Variants in DCAF15 observed in about 807,000 individuals in gnomAD.
DCAF15 encodes DDB1- and CUL4-associated factor 15.
DCAF15 carries 24 observed loss-of-function variants against 68.0 expected under a neutral mutation model. The ratio of observed to expected loss-of-function variants is 0.35; its 90% CI spans 0.26 to 0.50. DCAF15 has a LOEUF of 0.50. DCAF15 is among the 20% of genes least tolerant of loss of function. The pLI is 0.98. For missense variants in DCAF15, 627 were observed against 830.6 expected (o/e 0.75, Z 3.01); for synonymous variants, 376 against 341.6 (o/e 1.10, Z -1.11).
rs1262022605 is a variant in DCAF15 at position 13,959,442 on chromosome 19, T to C, written c.1182T>C (p.Tyr394=). The C allele has an allele frequency of 1.9e-6, 3 of 1,609,932 alleles. No homozygotes were observed. The South Asian group carries it at 3.3e-5, about 18-fold the overall frequency. The part of the protein sequence containing the change: ...PGYVNYTKLY[Y]VLESGEGTEP... ...ATGTCAACTACACCAAGCTGTACTA[T>C]GTGCTGGAGTCCGGAGAGGGGACGG... The change falls in exon 7 of 13, where the codon TAT becomes TAC. Residue 394 remains tyrosine (Y), a synonymous_variant. Coordinates refer to ENST00000254337, the MANE Select transcript of DCAF15 (RefSeq NM_138353.4).
In DCAF15 at chr19:13,961,229, C is replaced by T; in HGVS notation, c.*234C>T. ...AGAGAGAGGGCGCCCCCTGCCCCAC[C>T]AGCCTGAGTGCCCCGCCTTCACCCC... On this transcript the variant is annotated 3_prime_UTR_variant, in exon 13 of 13. Coordinates refer to ENST00000254337, the MANE Select transcript of DCAF15 (RefSeq NM_138353.4). The T allele has an allele frequency of 1.7e-6, 1 of 587,074 alleles. No homozygotes were observed. Among genetic ancestry groups the T allele is most frequent in the Non-Finnish European group, 3.0e-6 (1 of 329,092 alleles). The allele number at this position is 587,074 out of a possible 1,614,324, so 36.4% of individuals were successfully genotyped here.
chr19:13,955,716 C>T lies in DCAF15; in HGVS notation c.367-196C>T, dbSNP rs989691046. Among the ~76,000 whole-genome samples the T allele has an allele frequency of 3.9e-5, 6 of 152,174 alleles. 2 individuals are homozygous for T. Among genetic ancestry groups the T allele is most frequent in the Admixed American group, 3.3e-4 (5 of 15,280 alleles). ...GGACATTGTTCCCATCGGCTGCATC[C>T]CACCCTGGCCTGGTCTCCCCGACTG... On this transcript the variant is annotated intron_variant, in intron 3 of 12. Coordinates refer to ENST00000254337, the MANE Select transcript of DCAF15 (RefSeq NM_138353.4).
chr19:13,955,837 GGGACTGCATC>G lies in DCAF15; in HGVS notation c.367-73_367-64del. ...ACCCGCTCAGCCCCAGCCCTGATGAGGGACTGCATCGTACAGCTTCGGGGGACCTCCGCAG... is the reference window on the plus strand; with the variant it reads ...ACCCGCTCAGCCCCAGCCCTGATGAGGTACAGCTTCGGGGGACCTCCGCAG... On this transcript the variant is annotated intron_variant, in intron 3 of 12. Coordinates refer to ENST00000254337, the MANE Select transcript of DCAF15 (RefSeq NM_138353.4). 4.0e-6 allele frequency: 6 copies of G among 1,483,792 alleles called. No homozygotes were observed. In the South Asian group the frequency reaches 6.8e-5, roughly 17 times the overall value. The allele number at this position is 1,483,792 out of a possible 1,614,324, so 91.9% of individuals were successfully genotyped here. A position where few individuals can be genotyped will look rare whatever the true frequency, so the allele number is the denominator to read the frequency against.
At chr19:13,955,594 G>A (rs1973325767) in intron 3 of DCAF15, among the ~76,000 whole-genome samples, 1 of 152,190 alleles carries the variant, frequency 6.6e-6, no homozygotes, top group African/African-American at 2.4e-5. Flanking sequence ...CCCCCCAGGA[G>A]GTGTGCTGTT....
intron 6 of DCAF15, among the ~76,000 whole-genome samples, chr19:13,957,177 T>C (rs1470985559): frequency 1.3e-5 from 2 of 152,234 alleles, no homozygotes; most frequent in African/African-American, 4.8e-5. Context: ...GTGTGGTTAG[T>C]GGGCAGGCAC....
At chr19:13,953,845 T>G (rs1167695633) in intron 1 of DCAF15, among the ~76,000 whole-genome samples, 1 of 152,122 alleles carries the variant, frequency 6.6e-6, no homozygotes, top group Non-Finnish European at 1.5e-5. Flanking sequence ...TCTATCTGCC[T>G]CGACTGGCCC....
Position 13,958,634 on chromosome 19 carries a change from C to T in DCAF15, c.785-411C>T, listed in dbSNP as rs142926217. Among the ~76,000 whole-genome samples, 179 of 152,234 alleles carry T rather than the reference C, an allele frequency of 1.2e-3. 2 individuals carry two copies. Among genetic ancestry groups the T allele is most frequent in the African/African-American group, 3.9e-3 (163 of 41,530 alleles). On this transcript the variant is annotated intron_variant, in intron 6 of 12. Transcript: ENST00000254337. ...GGCTTGTGTCAGGAAGGACCGAGGGCTTTGCCTTAGGTCTTCCATATCAGA... is the reference window on the plus strand; with the variant it reads ...GGCTTGTGTCAGGAAGGACCGAGGGTTTTGCCTTAGGTCTTCCATATCAGA...
chr19:13,953,031 G>A, intron 1 of DCAF15: 1 of 1,430,766 alleles, frequency 7.0e-7, no homozygotes, highest in South Asian at 1.2e-5. Flanking sequence ...CCTTTGCAGA[G>A]CCCCTGCCGC....
intron 6 of DCAF15, among the ~76,000 whole-genome samples, chr19:13,957,154 G>A (rs995851709): frequency 1.3e-5 from 2 of 152,248 alleles, no homozygotes; most frequent in African/African-American, 4.8e-5. Context: ...AAACGCTAAT[G>A]TGACATTTCA....
rs770156973 is a variant in DCAF15, at chr19:13,960,445, C to G, written c.1632-20C>G. 6.2e-7 allele frequency: 1 copy of G among 1,612,012 alleles called. No homozygotes were observed. The highest frequency in any genetic ancestry group is 8.5e-7 in the Non-Finnish European group (1 of 1,179,142). ...GGCGCGGCCAAGGCGACGAGAGCCACTCACCCCCTGGCCCCGCAGCGGCAG... is the reference window on the plus strand; with the variant it reads ...GGCGCGGCCAAGGCGACGAGAGCCAGTCACCCCCTGGCCCCGCAGCGGCAG... On this transcript the variant is annotated intron_variant, in intron 11 of 12. Coordinates refer to ENST00000254337, the MANE Select transcript of DCAF15 (RefSeq NM_138353.4).
intron 11 of DCAF15, 21 bp from the exon 12 acceptor site, chr19:13,960,444 A>G: frequency 1.2e-6 from 2 of 1,611,910 alleles, no homozygotes; most frequent in East Asian, 2.2e-5. Flanking sequence ...GACGAGAGCC[A>G]CTCACCCCCT....
rs1973367207 is a variant in DCAF15, at chr19:13,956,413, C to G, written c.675C>G (p.Val225=). 1 of 1,613,898 alleles carries G rather than the reference C, an allele frequency of 6.2e-7. No homozygotes were observed. The highest frequency in any genetic ancestry group is 1.7e-5 in the Admixed American group (1 of 60,034). ...TGCTGCACACCAAGTACCAGGTGGT[C>G]TACCCCTTCCCCACCTTCCAGCCCG... ...GFMLHTKYQV[V]YPFPTFQPAF... The change falls in exon 6 of 13, where the codon GTC becomes GTG. Residue 225 remains valine, a synonymous_variant. Coordinates refer to ENST00000254337, the MANE Select transcript of DCAF15 (RefSeq NM_138353.4).
At chr19:13,960,238 C>T (rs769460531) in intron 10 of DCAF15, 49 bp from the exon 11 acceptor site, 3 of 1,595,830 alleles carry the variant, frequency 1.9e-6, no homozygotes, top group South Asian at 2.2e-5. Context: ...GGGCCTGGTT[C>T]AGGAGCCCGG....
At position 13,961,252 on chromosome 19, in the gene DCAF15, C is replaced by T; in HGVS notation, c.*257C>T. 1.8e-6 allele frequency: 1 copy of T among 565,044 alleles called. No individual in the cohort carries two copies. Among genetic ancestry groups the T allele is most frequent in the South Asian group, 2.0e-5 (1 of 50,160 alleles). The allele number at this position is 565,044 out of a possible 1,614,324, so 35.0% of individuals were successfully genotyped here. A position where few individuals can be genotyped will look rare whatever the true frequency, so the allele number is the denominator to read the frequency against. ...ACCAGCCTGAGTGCCCCGCCTTCAC[C>T]CCGAGCTGGGCATGGGCCTGGCCCC... On this transcript the variant is annotated 3_prime_UTR_variant, in exon 13 of 13. Transcript: ENST00000254337.
At chr19:13,957,275 T>G (rs1973403136) in intron 6 of DCAF15, among the ~76,000 whole-genome samples, 1 of 152,206 alleles carries the variant, frequency 6.6e-6, no homozygotes, top group Non-Finnish European at 1.5e-5. Flanking sequence ...GGCTGGATCA[T>G]GCCACCGGCT....
At chr19:13,954,989 T>A (rs919270480) in intron 3 of DCAF15, among the ~76,000 whole-genome samples, 1 of 152,090 alleles carries the variant, frequency 6.6e-6, no homozygotes. Context: ...GTGCCTGTAG[T>A]CAGCTCCTCT....
chr19:13,959,477 A>T lies in DCAF15; in HGVS notation c.1217A>T (p.Asp406Val). ...LESGEGTEPE[D>V]ELEDDKISLP... The stretch of plus-strand genomic sequence containing the variant: ...TCCGGAGAGGGGACGGAGCCGGAGG[A>T]TGGTGAGCGGGGGGCAGGCATGTGA... The change falls in exon 7 of 13, where the codon GAT becomes GTT. Residue 406 changes from aspartate (D) to valine (V), a missense_variant and splice_region_variant. Physicochemically the swap from Asp to Val is radical, Grantham distance 152. Around this residue, in one of 3 missense-constraint regions of DCAF15, gnomAD observed 236 missense variants for 225.1 expected, o/e 1.05. Transcript: ENST00000254337. The T allele has an allele frequency of 6.2e-7, 1 of 1,609,268 alleles. No homozygotes were observed. Among genetic ancestry groups the T allele is most frequent in the Non-Finnish European group, 8.5e-7 (1 of 1,177,552 alleles).
chr19:13,955,894 C>A lies in DCAF15; in HGVS notation c.367-18C>A. 1 of 1,613,068 alleles carries A rather than the reference C, an allele frequency of 6.2e-7. No individual in the cohort carries two copies. The highest frequency in any genetic ancestry group is 8.5e-7 in the Non-Finnish European group (1 of 1,179,668). ...GCAGTTTCCCTGACCCGGTGCTGCC[C>A]CTGAACGTGCCTCACAGGTCCGGCA... On this transcript the variant is annotated intron_variant, in intron 3 of 12. Coordinates refer to ENST00000254337, the MANE Select transcript of DCAF15 (RefSeq NM_138353.4).
chr19:13,960,142 G>A, intron 10 of DCAF15, 73 bp downstream of exon 10: 1 of 1,590,698 alleles, frequency 6.3e-7, no homozygotes, highest in South Asian at 1.1e-5. Flanking sequence ...GGGGGTGTGG[G>A]GACGTGAGAA....
Sources: gnomAD v4.1 joint callset for allele counts (sites outside exome capture counted in the v4.1 genomes callset) on GRCh38, gnomAD v4.1.1 for gene constraint, gnomAD v4.1.1 regional missense constraint, MANE v1.5 for transcripts, NCBI Gene and HGNC (gene_info 2026-07-23, HGNC 2026-07-21) for gene names.